Variants in RBFOX1 observed in about 807,000 individuals in gnomAD.
RBFOX1 encodes RNA binding protein fox-1 homolog 1.
In RBFOX1, 8 loss-of-function variants were observed where a neutral mutation model predicts 57.7. The ratio of observed to expected loss-of-function variants is 0.14; its 90% CI spans 0.08 to 0.25. The LOEUF (loss-of-function observed/expected upper bound fraction) is 0.25, where lower values mean the gene tolerates loss of function less well. Ranked by LOEUF, RBFOX1 falls within the 10% of genes least tolerant of loss-of-function variation. The pLI, the probability that RBFOX1 is intolerant of heterozygous loss-of-function variation, is 1.00. For synonymous variants in RBFOX1, 326 were observed against 222.4 expected, an observed-to-expected ratio of 1.47 and a Z score of -4.15; for missense variants, 611 against 548.5, an observed-to-expected ratio of 1.11 and a Z score of -1.14.
At chr16:6,002,595 A>C (rs527689001) in intron 4 of RBFOX1, among the ~76,000 whole-genome samples, 2 of 152,200 alleles carry the variant, frequency 1.3e-5, no homozygotes, top group Non-Finnish European at 2.9e-5. Context: ...TCCATAATTG[A>C]GAGAAGAGAA....
chr16:7,476,679 A>G (rs2062787173), intron 4 of RBFOX1, among the ~76,000 whole-genome samples: 1 of 152,144 alleles, frequency 6.6e-6, no homozygotes, highest in East Asian at 1.9e-4. Context: ...ACTGTACAAA[A>G]TTAAATCCCT....
intron 13 of RBFOX1, among the ~76,000 whole-genome samples, chr16:7,665,228 C>G (rs937243781): frequency 2.6e-5 from 4 of 152,116 alleles, no homozygotes; most frequent in African/African-American, 9.7e-5. Context: ...GGTGGCATTT[C>G]TTTCATGCCA....
rs182906449 is a variant in RBFOX1 at position 7,585,856 on chromosome 16, T to G, written c.415-1391T>G. The stretch of plus-strand genomic sequence containing the variant: ...GATACTCTATGACTGAAACACATAG[T>G]CAGGCAAACCTCCCCTGCTTCTTGT... On this transcript the variant is annotated intron_variant, in intron 6 of 15. Transcript: ENST00000550418. Among the ~76,000 whole-genome samples the G allele has an allele frequency of 3.3e-3, 510 of 152,274 alleles. 10 individuals carry two copies. The highest frequency in any genetic ancestry group is 1.1e-3 in the Non-Finnish European group (74 of 68,018).
At chr16:6,386,186 C>T (rs902604834) in intron 2 of RBFOX1, among the ~76,000 whole-genome samples, 5 of 152,174 alleles carry the variant, frequency 3.3e-5, no homozygotes, top group African/African-American at 7.2e-5. Flanking sequence ...CCGCCCGTCT[C>T]GGCCTCCCAA....
At chr16:7,492,502 A>G (rs1275180016) in intron 4 of RBFOX1, among the ~76,000 whole-genome samples, 1 of 152,144 alleles carries the variant, frequency 6.6e-6, no homozygotes, top group African/African-American at 2.4e-5. Context: ...CTCATATGAC[A>G]GCCACTAGCC....
intron 2 of RBFOX1, among the ~76,000 whole-genome samples, chr16:6,321,039 C>T (rs1352507619): frequency 6.6e-6 from 1 of 152,170 alleles, no homozygotes; most frequent in Non-Finnish European, 1.5e-5. Context: ...GGTGATCCTC[C>T]TACGTCGGCC....
intron 4 of RBFOX1, among the ~76,000 whole-genome samples, chr16:7,511,566 A>G (rs1600483557): frequency 6.6e-6 from 1 of 152,228 alleles, no homozygotes; most frequent in African/African-American, 2.4e-5. Context: ...GTCTTAAAAT[A>G]GCAATGATAG....
At chr16:5,604,883 C>T (rs2047512148), downstream of RBFOX1, among the ~76,000 whole-genome samples, 1 of 152,282 alleles carries the variant, frequency 6.6e-6, no homozygotes, top group South Asian at 2.1e-4. Flanking sequence ...GCCCATGTCA[C>T]CTCTGTAGGA....
intron 4 of RBFOX1, among the ~76,000 whole-genome samples, chr16:5,950,139 A>G (rs1221256460): frequency 6.6e-6 from 1 of 152,222 alleles, no homozygotes; most frequent in African/African-American, 2.4e-5. Context: ...AATTGGTAAG[A>G]ATGACTACAT....
Position 6,032,235 on chromosome 16 carries a change from C to T in RBFOX1, c.-127+12243C>T, listed in dbSNP as rs565768873. Among the ~76,000 whole-genome samples the T allele has an allele frequency of 7.9e-5, 12 of 152,238 alleles. No homozygotes were observed. The East Asian group carries it at 1.4e-3, about 17-fold the overall frequency. Reference sequence around the variant, plus strand: ...CATTTAGCTGTATTTTCCTCGTTCTCGCCTAGGTAGGGTGTGGTCCCCCTG... The same window carrying T: ...CATTTAGCTGTATTTTCCTCGTTCTTGCCTAGGTAGGGTGTGGTCCCCCTG... On this transcript the variant is annotated intron_variant, in intron 1 of 15. Transcript: ENST00000550418.
intron 1 of RBFOX1, among the ~76,000 whole-genome samples, chr16:6,103,097 T>C (rs1204934924): frequency 2.0e-5 from 3 of 152,210 alleles, no homozygotes; most frequent in Non-Finnish European, 4.4e-5. Flanking sequence ...ATTTAGGAGA[T>C]GAACAGTAGC....
chr16:6,905,352 G>A (rs115627846), intron 3 of RBFOX1, among the ~76,000 whole-genome samples: 1,924 of 151,954 alleles, frequency 0.013, 30 homozygotes, highest in African/African-American at 0.043. Context: ...TTGGGAGTTC[G>A]AGACTCCCAG....
intron 3 of RBFOX1, among the ~76,000 whole-genome samples, chr16:6,953,599 G>A (rs147420023): frequency 6.6e-6 from 1 of 152,060 alleles, no homozygotes; most frequent in African/African-American, 2.4e-5. Flanking sequence ...GTTGGCCAGC[G>A]TGGTCTGAAA....
intron 2 of RBFOX1, among the ~76,000 whole-genome samples, chr16:6,574,670 C>A (rs371982982): frequency 7.4e-6 from 1 of 135,788 alleles, no homozygotes; most frequent in Admixed American, 7.3e-5. Flanking sequence ...CCTCGTGATC[C>A]GCCCGCCTCG....
intron 1 of RBFOX1, among the ~76,000 whole-genome samples, chr16:5,354,257 C>T (rs1413479282): frequency 1.3e-5 from 2 of 152,168 alleles, no homozygotes; most frequent in Admixed American, 1.3e-4. Flanking sequence ...GTGTCTGTGT[C>T]TCTTTTTCTT....
chr16:5,322,639 C>A (rs1476359373), intron 1 of RBFOX1, among the ~76,000 whole-genome samples: 1 of 152,184 alleles, frequency 6.6e-6, no homozygotes, highest in East Asian at 1.9e-4. Context: ...AGCCCCCAGT[C>A]TTCCCCATCC....
intron 5 of RBFOX1, among the ~76,000 whole-genome samples, chr16:7,538,674 A>G (rs917054857): frequency 4.6e-5 from 7 of 152,146 alleles, no homozygotes; most frequent in African/African-American, 1.7e-4. Context: ...CTAACAAACT[A>G]CCCCAAACAA....
chr16:6,970,783 G>C (rs1009277647), intron 3 of RBFOX1, among the ~76,000 whole-genome samples: 1 of 152,138 alleles, frequency 6.6e-6, no homozygotes, highest in East Asian at 1.9e-4. Context: ...AACCTGAATT[G>C]GGTCTTATGC....
chr16:7,600,864 A>G (rs1443103707), intron 9 of RBFOX1, among the ~76,000 whole-genome samples: 3 of 152,212 alleles, frequency 2.0e-5, no homozygotes, highest in African/African-American at 4.8e-5. Flanking sequence ...TATTTAAACA[A>G]TGACATAATG....
Sources: allele counts gnomAD v4.1 joint callset (sites outside exome capture counted in the v4.1 genomes callset), GRCh38; gene constraint gnomAD v4.1.1; transcripts MANE v1.5; gene names NCBI Gene and HGNC (gene_info 2026-07-23, HGNC 2026-07-21).